Variants in KLHL1 observed in about 807,000 individuals in gnomAD.
KLHL1 encodes the protein kelch-like protein 1.
In KLHL1, 47 loss-of-function variants were observed where a neutral mutation model predicts 77.7. That is an observed-to-expected ratio of 0.60 (90% CI 0.48 to 0.77). The LOEUF is 0.77. Ranked by LOEUF, KLHL1 falls within the 30% of genes least tolerant of loss-of-function variation. The probability of loss-of-function intolerance (pLI) is 0.00; values close to 1 mark genes in which losing one functional copy is unlikely to be tolerated. For synonymous variants in KLHL1, 360 were observed against 325.2 expected (o/e 1.11, Z -1.15); for missense variants, 925 against 910.8 (o/e 1.02, Z -0.20).
At position 69,719,581 on chromosome 13, in the gene KLHL1, C is replaced by T. The variant is rs779224372; in HGVS notation, c.1803G>A (p.Lys601=). The T allele has an allele frequency of 1.2e-6, 2 of 1,606,442 alleles. No individual in the cohort carries two copies. The highest frequency in any genetic ancestry group is 1.7e-5 in the Admixed American group (1 of 59,480). The change falls in exon 9 of 11, where the codon AAG becomes AAA. Residue 601 remains lysine, a splice_region_variant and synonymous_variant. Coordinates refer to ENST00000377844, the MANE Select transcript of KLHL1 (RefSeq NM_020866.3). ...STVGVAALNG[K]LYSVGGRDGS... is the part of the protein sequence containing the mutation. ...CATCACGACCTCCAACTGAATACAA[C>T]CTAAAAACACAATTGGAAAAATGTG...
At chr13:69,814,203 T>C (rs1233064328) in intron 6 of KLHL1, among the ~76,000 whole-genome samples, 2 of 151,914 alleles carry the variant, frequency 1.3e-5, no homozygotes, top group Non-Finnish European at 2.9e-5. Flanking sequence ...CGCAGAAAAA[T>C]GAAACTGCAC....
At chr13:69,702,054 T>C (rs1199261734) in intron 10 of KLHL1, among the ~76,000 whole-genome samples, 2 of 151,714 alleles carry the variant, frequency 1.3e-5, no homozygotes, top group African/African-American at 4.8e-5. Flanking sequence ...CCATCAAAGC[T>C]CTATTCTGGA....
chr13:69,771,293 C>A (rs867346627), intron 7 of KLHL1, among the ~76,000 whole-genome samples: 25 of 129,512 alleles, frequency 1.9e-4, no homozygotes, highest in Middle Eastern at 4.3e-3. Flanking sequence ...AAAAAAAAAA[C>A]ATGCTCTTCT....
chr13:69,927,939 T>C (rs1415548629), intron 4 of KLHL1, among the ~76,000 whole-genome samples: 1 of 152,172 alleles, frequency 6.6e-6, no homozygotes, highest in Non-Finnish European at 1.5e-5. Flanking sequence ...TATATGAATG[T>C]TCATAGCAGT....
At chr13:69,809,217 C>T (rs1158717614) in intron 6 of KLHL1, among the ~76,000 whole-genome samples, 3 of 151,938 alleles carry the variant, frequency 2.0e-5, no homozygotes, top group African/African-American at 7.3e-5. Flanking sequence ...AGAACTCCTG[C>T]GAGATACTAA....
chr13:70,043,802 T>C (rs1886433732), intron 1 of KLHL1, among the ~76,000 whole-genome samples: 1 of 152,174 alleles, frequency 6.6e-6, no homozygotes, highest in Non-Finnish European at 1.5e-5. Flanking sequence ...AAGGGCAACA[T>C]TGCCCAAAGA....
intron 7 of KLHL1, among the ~76,000 whole-genome samples, chr13:69,787,918 A>G (rs1351504404): frequency 6.6e-6 from 1 of 152,252 alleles, no homozygotes; most frequent in African/African-American, 2.4e-5. Flanking sequence ...GCTCATCATC[A>G]CTGGCCATCA....
intron 3 of KLHL1, among the ~76,000 whole-genome samples, chr13:69,955,283 A>G (rs1442800648): frequency 6.6e-6 from 1 of 151,404 alleles, no homozygotes; most frequent in Non-Finnish European, 1.5e-5. Flanking sequence ...CTATGTGTGT[A>G]TATTTATTTC....
At chr13:70,051,863 T>C (rs1489543474) in intron 1 of KLHL1, among the ~76,000 whole-genome samples, 1 of 152,042 alleles carries the variant, frequency 6.6e-6, no homozygotes, top group African/African-American at 2.4e-5. Flanking sequence ...TACATTTGTT[T>C]TGTTGTGGAC....
chr13:69,840,064 A>ACC (rs1304373303), intron 5 of KLHL1, among the ~76,000 whole-genome samples: 3 of 151,854 alleles, frequency 2.0e-5, no homozygotes, highest in Non-Finnish European at 2.9e-5. Context: ...AAAAAATTGT[A>ACC]CCACATCTGT....
At chr13:69,926,751 T>A (rs1817139585) in intron 4 of KLHL1, among the ~76,000 whole-genome samples, 1 of 151,428 alleles carries the variant, frequency 6.6e-6, no homozygotes, top group Admixed American at 6.6e-5. Flanking sequence ...ATGGAGACCA[T>A]CCTGGCAAAC....
chr13:69,777,974 C>G (rs1174762808), intron 7 of KLHL1, among the ~76,000 whole-genome samples: 1 of 151,796 alleles, frequency 6.6e-6, no homozygotes, highest in African/African-American at 2.4e-5. Flanking sequence ...TTGACTACTT[C>G]TACTAGCCTA....
intron 7 of KLHL1, among the ~76,000 whole-genome samples, chr13:69,749,073 T>C (rs1338243406): frequency 1.3e-5 from 2 of 152,054 alleles, no homozygotes; most frequent in African/African-American, 4.8e-5. Flanking sequence ...TTCCAAACTC[T>C]AGCTGCCTTA....
chr13:69,740,429 A>T lies in KLHL1; in HGVS notation c.1767T>A (p.Ala589=), dbSNP rs1318592507. The change falls in exon 8 of 11, where the codon GCT becomes GCA. Residue 589 remains alanine, a synonymous_variant. Transcript: ENST00000377844. ...QWTFVASMSI[A]RSTVGVAALN... ...ATGCTGCTACACCAACTGTGCTCCG[A>T]GCAATTGACATACTGGCTACAAATG... The T allele has an allele frequency of 3.1e-6, 5 of 1,610,294 alleles. No individual in the cohort carries two copies. Among genetic ancestry groups the T allele is most frequent in the Non-Finnish European group, 4.2e-6 (5 of 1,177,480 alleles).
Position 70,107,283 on chromosome 13 carries a change from G to T in KLHL1, c.417C>A (p.His139Gln), listed in dbSNP as rs768935218. 14 of 1,613,316 alleles carry T rather than the reference G, an allele frequency of 8.7e-6. No individual in the cohort carries two copies. The highest frequency in any genetic ancestry group is 5.3e-5 in the African/African-American group (4 of 74,784). ...VVPGMDFPGP[H>Q]EKGLVLQELK... ...GCTCTTGCAGAACCAGCCCTTTTTCGTGTGGTCCAGGAAAGTCCATGCCTG... is the reference window on the plus strand; with the variant it reads ...GCTCTTGCAGAACCAGCCCTTTTTCTTGTGGTCCAGGAAAGTCCATGCCTG... Residue 139 changes from histidine (H) to glutamine (Q), a missense_variant, in exon 1 of 11, where the codon CAC (histidine) becomes CAA (glutamine). Physicochemically the swap from His to Gln is conservative, Grantham distance 24. Coordinates refer to ENST00000377844, the MANE Select transcript of KLHL1 (RefSeq NM_020866.3).
intron 1 of KLHL1, among the ~76,000 whole-genome samples, chr13:70,028,844 G>A (rs1372045567): frequency 6.6e-6 from 1 of 151,986 alleles, no homozygotes; most frequent in African/African-American, 2.4e-5. Flanking sequence ...AAGCTTGGTG[G>A]CACATACCTG....
intron 8 of KLHL1, among the ~76,000 whole-genome samples, chr13:69,733,551 A>C (rs1873640515): frequency 6.6e-6 from 1 of 152,206 alleles, no homozygotes; most frequent in Non-Finnish European, 1.5e-5. Context: ...AAACAGAGAA[A>C]ATTTTGAAAA....
intron 8 of KLHL1, among the ~76,000 whole-genome samples, chr13:69,738,404 G>A (rs373759595): frequency 5.9e-5 from 9 of 152,054 alleles, no homozygotes; most frequent in East Asian, 3.9e-4. Flanking sequence ...TGAAATGGAC[G>A]AATTGAGAGA....
chr13:69,736,671 G>C (rs1873775384), intron 8 of KLHL1, among the ~76,000 whole-genome samples: 1 of 142,474 alleles, frequency 7.0e-6, no homozygotes, highest in African/African-American at 2.6e-5. Context: ...TGGATAAAGA[G>C]ATTGTGAGAT....
Sources: gnomAD v4.1 joint callset for allele counts (sites outside exome capture counted in the v4.1 genomes callset) on GRCh38, gnomAD v4.1.1 for gene constraint, MANE v1.5 for transcripts, NCBI Gene and HGNC (gene_info 2026-07-23, HGNC 2026-07-21) for gene names.